Variants in SAMD12 observed in about 807,000 individuals in gnomAD.
SAMD12 encodes the protein sterile alpha motif domain containing 12, also known as sterile alpha motif domain-containing protein 12.
Under a neutral mutation model 15.0 loss-of-function variants are expected in SAMD12, and 9 were observed. The observed-to-expected ratio is 0.60, with a 90% CI of 0.36 to 1.05. SAMD12 has a LOEUF of 1.05. SAMD12 is among the 50% of genes least tolerant of loss of function. The probability of loss-of-function intolerance (pLI) is 0.01; values close to 1 mark genes in which losing one functional copy is unlikely to be tolerated. For synonymous variants in SAMD12, 86 were observed against 90.1 expected, an observed-to-expected ratio of 0.96 and a Z score of 0.25; for missense variants, 230 against 234.2, an observed-to-expected ratio of 0.98 and a Z score of 0.12.
intron 2 of SAMD12, among the ~76,000 whole-genome samples, chr8:118,493,779 C>A (rs931350952): frequency 6.6e-6 from 1 of 152,076 alleles, no homozygotes; most frequent in African/African-American, 2.4e-5. Context: ...AACACTCAGA[C>A]CAAGGAGGAA....
At chr8:118,468,396 A>G (rs1373673993) in intron 2 of SAMD12, among the ~76,000 whole-genome samples, 1 of 152,156 alleles carries the variant, frequency 6.6e-6, no homozygotes, top group Non-Finnish European at 1.5e-5. Context: ...CAAAAACGCC[A>G]GTGTCTTTCA....
chr8:118,491,348 G>A (rs982389762), intron 2 of SAMD12, among the ~76,000 whole-genome samples: 2 of 152,108 alleles, frequency 1.3e-5, no homozygotes, highest in South Asian at 2.1e-4. Context: ...CTGTGGCTTC[G>A]TAAGACTCAT....
chr8:118,427,555 T>C (rs1434349018), intron 3 of SAMD12, among the ~76,000 whole-genome samples: 3 of 152,228 alleles, frequency 2.0e-5, no homozygotes, highest in Non-Finnish European at 4.4e-5. Flanking sequence ...TCACATAATA[T>C]GTGCCCTTTT....
chr8:118,554,381 T>G (rs1361898373), intron 2 of SAMD12, among the ~76,000 whole-genome samples: 1 of 151,964 alleles, frequency 6.6e-6, no homozygotes. Flanking sequence ...ATGTCCTTTG[T>G]AGGGACATGG....
chr8:118,166,075 C>T, the SAMD12 span, among the ~76,000 whole-genome samples: 1 of 152,018 alleles, frequency 6.6e-6, no homozygotes, highest in African/African-American at 2.4e-5. Flanking sequence ...ATATTTATTG[C>T]CTAAAATGAT....
intron 2 of SAMD12, 142 bp downstream of exon 2, chr8:118,580,573 T>C: frequency 1.7e-6 from 1 of 599,452 alleles, no homozygotes; most frequent in Non-Finnish European, 2.9e-6. Context: ...TTATAATTAT[T>C]TATCCGCAAG....
chr8:118,249,250 T>A (rs1280341778), intron 4 of SAMD12, among the ~76,000 whole-genome samples: 1 of 152,174 alleles, frequency 6.6e-6, no homozygotes, highest in Non-Finnish European at 1.5e-5. Flanking sequence ...ATCATTTTCT[T>A]ACACTAAAAA....
Position 118,347,029 on chromosome 8 carries a change from C to G in SAMD12, c.433+32531G>C, listed in dbSNP as rs374695018. Among the ~76,000 whole-genome samples the G allele has an allele frequency of 1.2e-3, 183 of 152,312 alleles. 1 individual carries two copies. The South Asian group carries it at 0.026, about 22-fold the overall frequency. On this transcript the variant is annotated intron_variant, in intron 4 of 4. Coordinates refer to the SAMD12 transcript ENST00000409003. ...TGGGATTCCTCCTGCCTTAGTACCC[C>G]TTTACCCCCATGGCCCACCTTGAAT... is the stretch of plus-strand genomic sequence containing the variant.
the SAMD12 span, among the ~76,000 whole-genome samples, chr8:118,161,640 A>G: frequency 6.6e-6 from 1 of 151,796 alleles, no homozygotes; most frequent in Admixed American, 6.6e-5. Context: ...TACAGATCAT[A>G]TATCTGGCAA....
chr8:118,337,251 C>T (rs546381321), intron 4 of SAMD12, among the ~76,000 whole-genome samples: 63 of 152,168 alleles, frequency 4.1e-4, no homozygotes, highest in African/African-American at 1.4e-3. Flanking sequence ...GCAAACAAAG[C>T]GGGTCCTAGT....
At chr8:118,172,747 CT>C in the SAMD12 span, among the ~76,000 whole-genome samples, 3 of 151,818 alleles carry the variant, frequency 2.0e-5, no homozygotes, top group African/African-American at 7.3e-5. Flanking sequence ...CCTCTCTTTC[CT>C]TTTTTTTGTG....
chr8:118,140,444 T>A, the SAMD12 span, among the ~76,000 whole-genome samples: 1 of 152,102 alleles, frequency 6.6e-6, no homozygotes, highest in South Asian at 2.1e-4. Flanking sequence ...GCTAATTTTT[T>A]ATTTTTTTGT....
intron 4 of SAMD12, among the ~76,000 whole-genome samples, chr8:118,286,715 T>C (rs1486674700): frequency 6.6e-6 from 1 of 152,198 alleles, no homozygotes; most frequent in Non-Finnish European, 1.5e-5. Context: ...TGGATTCGTG[T>C]CTCTCCATCA....
intron 4 of SAMD12, among the ~76,000 whole-genome samples, chr8:118,226,038 A>G (rs1274826892): frequency 1.3e-5 from 2 of 152,138 alleles, no homozygotes; most frequent in Non-Finnish European, 2.9e-5. Flanking sequence ...TAGGAAGACA[A>G]AAGGACTCAG....
chr8:118,338,121 T>C (rs1817174622), intron 4 of SAMD12, among the ~76,000 whole-genome samples: 1 of 152,198 alleles, frequency 6.6e-6, no homozygotes, highest in African/African-American at 2.4e-5. Flanking sequence ...TTAAATGTAC[T>C]GAAATCATCA....
At chr8:118,516,860 A>C (rs1377765135) in intron 2 of SAMD12, among the ~76,000 whole-genome samples, 1 of 152,086 alleles carries the variant, frequency 6.6e-6, no homozygotes, top group East Asian at 1.9e-4. Flanking sequence ...GCTGGTCTCG[A>C]ACTCCTGAGC....
At chr8:118,459,598 A>G (rs1823356708) in intron 2 of SAMD12, among the ~76,000 whole-genome samples, 1 of 152,218 alleles carries the variant, frequency 6.6e-6, no homozygotes, top group South Asian at 2.1e-4. Flanking sequence ...GCAATTACTA[A>G]TAACTATGGA....
At chr8:118,254,616 T>C (rs572506635) in intron 4 of SAMD12, among the ~76,000 whole-genome samples, 5 of 152,064 alleles carry the variant, frequency 3.3e-5, no homozygotes, top group Non-Finnish European at 5.9e-5. Flanking sequence ...CCCTATTTCT[T>C]CCCATGACAA....
At chr8:118,132,972 G>GTATATATACATATATA in the SAMD12 span, among the ~76,000 whole-genome samples, 1 of 48,252 alleles carries the variant, frequency 2.1e-5, no homozygotes, top group Non-Finnish European at 4.5e-5. Context: ...GTGTGTGTGT[G>GTATATATACATATATA]TATATATATA....
Sources: gnomAD v4.1 joint callset for allele counts (sites outside exome capture counted in the v4.1 genomes callset) on GRCh38, gnomAD v4.1.1 for gene constraint, MANE v1.5 for transcripts, NCBI Gene and HGNC (gene_info 2026-07-23, HGNC 2026-07-21) for gene names.